Variants in NSMCE1 observed in about 807,000 individuals in gnomAD.
NSMCE1 encodes the protein NSE1 component of SMC5/6 complex.
A neutral mutation model predicts 29.6 loss-of-function variants in NSMCE1; 18 were observed. The ratio of observed to expected loss-of-function variants is 0.61; its 90% CI spans 0.42 to 0.90. The LOEUF is 0.90. Ranked by LOEUF, NSMCE1 falls within the 40% of genes least tolerant of loss-of-function variation. NSMCE1 has a pLI of 0.00. For missense variants in NSMCE1, 314 were observed against 343.6 expected (o/e 0.91, Z 0.68); for synonymous variants, 124 against 133.4 (o/e 0.93, Z 0.49).
chr16:27,266,865 AT>A (rs201300433), intron 1 of NSMCE1, among the ~76,000 whole-genome samples: 3,006 of 152,068 alleles, frequency 0.02, 47 homozygotes, highest in South Asian at 0.038. Context: ...TTAGAACTGA[AT>A]TTTTTTTAAC....
chr16:27,233,131 T>C lies in NSMCE1; in HGVS notation c.353A>G (p.Asp118Gly), dbSNP rs2083780309. 6.2e-7 allele frequency: 1 copy of C among 1,613,494 alleles called. No homozygotes were observed. The highest frequency in any genetic ancestry group is 1.3e-5 in the African/African-American group (1 of 75,002). The change falls in exon 5 of 8, where the codon GAC (aspartate) becomes GGC (glycine). Residue 118 changes from aspartate to glycine, a missense_variant. Asp to Gly is a moderately conservative substitution (Grantham distance 94). Coordinates refer to ENST00000361439, the MANE Select transcript of NSMCE1 (RefSeq NM_145080.4). ...GGAAGACGCAAAGCCGGTTTCTGAG[T>C]CAATAATCAGTTCCAGCTGGAAGAA... ...LFRKALELII[D>G]SETGFASSTN...
intron 2 of NSMCE1, among the ~76,000 whole-genome samples, chr16:27,236,321 C>A (rs1291273960): frequency 2.6e-5 from 3 of 116,770 alleles, no homozygotes; most frequent in African/African-American, 1.0e-4. Flanking sequence ...TTTTTTGAGA[C>A]AGAGTCTTGC....
intron 2 of NSMCE1, among the ~76,000 whole-genome samples, chr16:27,238,513 C>A (rs2083852513): frequency 6.6e-6 from 1 of 151,102 alleles, no homozygotes; most frequent in African/African-American, 2.4e-5. Flanking sequence ...GCAGCCATGT[C>A]CCTCCCTAAC....
chr16:27,248,406 C>CTTTTT lies in NSMCE1; in HGVS notation c.136+9024_136+9028dup, dbSNP rs756697569. Among the ~76,000 whole-genome samples the CTTTTT allele has an allele frequency of 7.9e-4, 67 of 84,766 alleles. 3 individuals carry two copies. Among genetic ancestry groups the CTTTTT allele is most frequent in the African/African-American group, 1.6e-3 (34 of 20,790 alleles). The allele number at this position is 84,766 out of a possible 152,430, so 55.6% of individuals were successfully genotyped here. A position where few individuals can be genotyped will look rare whatever the true frequency, so the allele number is the denominator to read the frequency against. Reference sequence around the variant, plus strand: ...GGTAGCTCACTGCGGTTTTAGTTTGCTTTTTTTTTTTTTTTTTTTTTTTGA... The same window carrying CTTTTT: ...GGTAGCTCACTGCGGTTTTAGTTTGCTTTTTTTTTTTTTTTTTTTTTTTTTTTTGA... On this transcript the variant is annotated intron_variant, in intron 2 of 7. Coordinates refer to ENST00000361439, the MANE Select transcript of NSMCE1 (RefSeq NM_145080.4).
At chr16:27,250,982 C>T (rs369034649) in intron 2 of NSMCE1, among the ~76,000 whole-genome samples, 10 of 146,306 alleles carry the variant, frequency 6.8e-5, no homozygotes, top group African/African-American at 2.2e-4. Flanking sequence ...GCTGGGATTA[C>T]AGGCATGCAC....
Position 27,235,079 on chromosome 16 carries a change from A to C in NSMCE1, c.258+99T>G, listed in dbSNP as rs2083803957. ...ATTTGGAGTGACTTCTTTGCAAAGA[A>C]CTGTCCAAAAGAGAAATCAAACCAA... On this transcript the variant is annotated intron_variant, in intron 3 of 7. Transcript: ENST00000361439. 5.2e-6 allele frequency: 6 copies of C among 1,154,706 alleles called. No individual in the cohort carries two copies. The East Asian group carries it at 1.4e-4, about 27-fold the overall frequency. 71.5% of individuals were successfully genotyped at this position (1,154,706 alleles called of 1,614,324 possible). A position where few individuals can be genotyped will look rare whatever the true frequency, so the allele number is the denominator to read the frequency against.
rs17856580 is a variant in NSMCE1 at position 27,235,296 on chromosome 16, T to C, written c.140A>G (p.Asn47Ser). 0.2 allele frequency: 315,137 copies of C among 1,611,890 alleles called. 34,903 individuals are homozygous for C. Among genetic ancestry groups the C allele is most frequent in the East Asian group, 0.44 (19,772 of 44,832 alleles). Residue 47 changes from asparagine to serine, a missense_variant, in exon 3 of 8, where the codon AAT becomes AGT. Coordinates refer to ENST00000361439, the MANE Select transcript of NSMCE1 (RefSeq NM_145080.4). Reference protein sequence around the residue: ...QTHCYKVHDRNATVDKLEDFI... With the variant: ...QTHCYKVHDRSATVDKLEDFI... ...GTCCTCCAACTTATCTACGGTGGCATTGCCTGGAAATAAACAGACCAAAAA... is the reference window on the plus strand; with the variant it reads ...GTCCTCCAACTTATCTACGGTGGCACTGCCTGGAAATAAACAGACCAAAAA...
intron 2 of NSMCE1, among the ~76,000 whole-genome samples, chr16:27,235,676 A>G (rs1268340742): frequency 6.6e-6 from 1 of 152,122 alleles, no homozygotes. Context: ...CAAACATCCT[A>G]TCCCATCTCA....
At chr16:27,230,098 C>T (rs558157043) in intron 5 of NSMCE1, among the ~76,000 whole-genome samples, 2 of 152,156 alleles carry the variant, frequency 1.3e-5, no homozygotes, top group South Asian at 2.1e-4. Context: ...TATGGAGGTG[C>T]GCCGATCAGC....
chr16:27,243,785 G>C (rs114919067), intron 2 of NSMCE1, among the ~76,000 whole-genome samples: 3,246 of 152,186 alleles, frequency 0.021, 113 homozygotes, highest in African/African-American at 0.073. Flanking sequence ...CCAGTAGCTG[G>C]GACTACAAGC....
chr16:27,233,857 ATGC>A, intron 4 of NSMCE1: 70 of 312,896 alleles, frequency 2.2e-4, no homozygotes, highest in Middle Eastern at 1.8e-3. Context: ...CTCCCAGGCG[ATGC>A]TGCTGCTGCT....
chr16:27,251,189 T>TATATATATATATATATA (rs1459861130), intron 2 of NSMCE1, among the ~76,000 whole-genome samples: 3 of 58,806 alleles, frequency 5.1e-5, no homozygotes, highest in Admixed American at 1.8e-4. Flanking sequence ...TATATATATA[T>TATATATATATATATATA]AAATATATAT....
Position 27,257,475 on chromosome 16 carries a change from G to A in NSMCE1, c.96C>T (p.Asp32=), listed in dbSNP as rs773281621. 1.5e-5 allele frequency: 24 copies of A among 1,613,930 alleles called. No homozygotes were observed. The highest frequency in any genetic ancestry group is 8.0e-5 in the African/African-American group (6 of 75,006). ...AGCAGTGCGTCTGCAAGCGCTTCAC[G>A]TCCCATTCCTCTAGCACGCCATGGG... ...LMTHGVLEEW[D]VKRLQTHCYK... The change falls in exon 2 of 8, where the codon GAC becomes GAT. Residue 32 remains aspartate (D), a synonymous_variant. Transcript: ENST00000361439.
intron 1 of NSMCE1, among the ~76,000 whole-genome samples, chr16:27,257,828 G>A (rs78334888): frequency 0.021 from 3,256 of 152,284 alleles, 116 homozygotes; most frequent in African/African-American, 0.073. Flanking sequence ...CTTACTAGGC[G>A]TGTGAGATTG....
intron 2 of NSMCE1, among the ~76,000 whole-genome samples, chr16:27,254,842 G>A (rs1179301089): frequency 6.8e-6 from 1 of 146,134 alleles, no homozygotes; most frequent in Non-Finnish European, 1.5e-5. Context: ...GGATATTGAG[G>A]GGTAGGTTTA....
At chr16:27,244,521 C>G (rs1183422302) in intron 2 of NSMCE1, among the ~76,000 whole-genome samples, 1 of 152,154 alleles carries the variant, frequency 6.6e-6, no homozygotes, top group Non-Finnish European at 1.5e-5. Context: ...GCCTTTCTGT[C>G]CCCCACTCCC....
chr16:27,227,372 G>A (rs944323841), intron 5 of NSMCE1, among the ~76,000 whole-genome samples: 3 of 152,274 alleles, frequency 2.0e-5, no homozygotes, highest in Admixed American at 6.5e-5. Context: ...GGAGTCTGGA[G>A]AGGGCAGACA....
At position 27,254,866 on chromosome 16, in the gene NSMCE1, C is replaced by CTTTT. The variant is rs61088115; in HGVS notation, c.136+2565_136+2568dup. ...GGGGTAGGTTTAAAGTCCAACCATG[C>CTTTT]TTTTTTTTTTTTTTTTTTTTTTTTT... On this transcript the variant is annotated intron_variant, in intron 2 of 7. Transcript: ENST00000361439. Among the ~76,000 whole-genome samples the CTTTT allele has an allele frequency of 1.6e-3, 76 of 46,920 alleles. 3 individuals carry two copies. Among genetic ancestry groups the CTTTT allele is most frequent in the Non-Finnish European group, 1.7e-3 (47 of 27,418 alleles). The allele number at this position is 46,920 out of a possible 152,430, so 30.8% of individuals were successfully genotyped here.
intron 2 of NSMCE1, among the ~76,000 whole-genome samples, chr16:27,256,958 C>T (rs926140757): frequency 6.6e-6 from 1 of 152,138 alleles, no homozygotes; most frequent in African/African-American, 2.4e-5. Flanking sequence ...CTCAAGCTAT[C>T]CTCCCACCTT....
Sources: allele counts gnomAD v4.1 joint callset (sites outside exome capture counted in the v4.1 genomes callset), GRCh38; gene constraint gnomAD v4.1.1; transcripts MANE v1.5; gene names NCBI Gene and HGNC (gene_info 2026-07-23, HGNC 2026-07-21).